STRN3: variants seen among roughly 807,000 people sequenced by gnomAD.
The protein encoded by STRN3 is striatin-3.
A neutral mutation model predicts 95.6 loss-of-function variants in STRN3; 29 were observed. The observed-to-expected ratio is 0.30, with a 90% CI of 0.23 to 0.41. The LOEUF (loss-of-function observed/expected upper bound fraction) is 0.41. Ranked by LOEUF, STRN3 falls within the 10% of genes least tolerant of loss-of-function variation. The probability of loss-of-function intolerance (pLI) is 1.00; values close to 1 mark genes in which losing one functional copy is unlikely to be tolerated. For synonymous variants in STRN3, 331 were observed against 357.6 expected (o/e 0.93, Z 0.84); for missense variants, 890 against 972.1 (o/e 0.92, Z 1.12).
At chr14:30,895,870 T>C (rs568993517) in intron 16 of STRN3, 122 bp from the exon 17 acceptor site, 2 of 784,780 alleles carry the variant, frequency 2.5e-6, no homozygotes, top group Non-Finnish European at 4.0e-6. Context: ...TGTGGTAAAA[T>C]ATACACAACA....
chr14:30,903,837 A>AG (rs1162856013), intron 15 of STRN3, among the ~76,000 whole-genome samples: 1 of 152,220 alleles, frequency 6.6e-6, no homozygotes, highest in African/African-American at 2.4e-5. Flanking sequence ...ATTAGATTGT[A>AG]TATCACTAGT....
chr14:31,000,854 C>T (rs1232661147), intron 1 of STRN3, among the ~76,000 whole-genome samples: 1 of 143,840 alleles, frequency 7.0e-6, no homozygotes, highest in Non-Finnish European at 1.5e-5. Context: ...AAAAAAAAAA[C>T]AATAGGTAGA....
chr14:30,929,990 A>G (rs961756357), intron 7 of STRN3, among the ~76,000 whole-genome samples: 1 of 147,882 alleles, frequency 6.8e-6, no homozygotes, highest in East Asian at 2.0e-4. Context: ...CTCAAATTCC[A>G]CTGAAGAATT....
At chr14:30,986,902 T>C (rs890926982) in intron 1 of STRN3, among the ~76,000 whole-genome samples, 1 of 152,228 alleles carries the variant, frequency 6.6e-6, no homozygotes, top group Non-Finnish European at 1.5e-5. Context: ...TTACTCTTTA[T>C]AGTCTTTCTC....
At chr14:30,988,933 A>G (rs1881818657) in intron 1 of STRN3, among the ~76,000 whole-genome samples, 1 of 152,184 alleles carries the variant, frequency 6.6e-6, no homozygotes, top group African/African-American at 2.4e-5. Flanking sequence ...TTAGGCAACT[A>G]AGCCACCCCC....
intron 3 of STRN3, among the ~76,000 whole-genome samples, chr14:30,953,488 T>C (rs974774323): frequency 1.2e-4 from 18 of 152,228 alleles, no homozygotes; most frequent in African/African-American, 3.9e-4. Context: ...AATGTACTTA[T>C]CCATTTATTC....
At chr14:30,915,060 A>T (rs1896702953) in intron 9 of STRN3, among the ~76,000 whole-genome samples, 1 of 152,222 alleles carries the variant, frequency 6.6e-6, no homozygotes, top group East Asian at 1.9e-4. Flanking sequence ...GAAATACTCA[A>T]ATCATAATAT....
intron 1 of STRN3, among the ~76,000 whole-genome samples, chr14:30,958,801 T>C (rs1467758536): frequency 1.3e-5 from 2 of 152,224 alleles, no homozygotes; most frequent in East Asian, 3.8e-4. Context: ...AGCAGCAGTA[T>C]TTCCTATTAG....
chr14:30,895,630 G>C (rs1340905972), intron 17 of STRN3, 32 bp downstream of exon 17: 1 of 1,611,068 alleles, frequency 6.2e-7, no homozygotes, highest in Non-Finnish European at 8.5e-7. Context: ...CTTTTATAAA[G>C]TTTGTGGGCA....
chr14:30,982,098 CA>C (rs11451891), intron 1 of STRN3, among the ~76,000 whole-genome samples: 171 of 75,514 alleles, frequency 2.3e-3, no homozygotes, highest in African/African-American at 8.2e-3. Context: ...CTCTGTCTCA[CA>C]AAAAAAAAAA....
At chr14:30,971,498 G>A (rs762712112) in intron 1 of STRN3, among the ~76,000 whole-genome samples, 1 of 152,166 alleles carries the variant, frequency 6.6e-6, no homozygotes, top group African/African-American at 2.4e-5. Flanking sequence ...ACAACCAACA[G>A]CGATTTATTA....
intron 4 of STRN3, 136 bp downstream of exon 4, chr14:30,950,727 T>C: frequency 2.7e-6 from 2 of 750,642 alleles, no homozygotes; most frequent in Non-Finnish European, 2.1e-6. Context: ...GATCCAAGCA[T>C]CTACACAGCA....
chr14:30,915,088 A>AT (rs1896703785), intron 9 of STRN3, among the ~76,000 whole-genome samples: 1 of 152,208 alleles, frequency 6.6e-6, no homozygotes. Flanking sequence ...AATATATCAA[A>AT]ACACACTTAA....
At chr14:30,981,633 G>A (rs1166003053) in intron 1 of STRN3, among the ~76,000 whole-genome samples, 1 of 150,380 alleles carries the variant, frequency 6.6e-6, no homozygotes, top group African/African-American at 2.5e-5. Context: ...GCTAAAGCAG[G>A]GCACAAAAAC....
At chr14:30,911,534 C>T (rs1283068776) in intron 12 of STRN3, among the ~76,000 whole-genome samples, 5 of 152,154 alleles carry the variant, frequency 3.3e-5, no homozygotes, top group African/African-American at 9.6e-5. Context: ...AACTCCTGAC[C>T]TCAAGTGATC....
chr14:30,956,032 C>T, intron 2 of STRN3, 107 bp downstream of exon 2: 1 of 844,122 alleles, frequency 1.2e-6, no homozygotes, highest in East Asian at 2.6e-5. Flanking sequence ...TGTATTCGGG[C>T]AAGGATTTGT....
intron 1 of STRN3, among the ~76,000 whole-genome samples, chr14:31,001,337 A>G (rs542902559): frequency 6.6e-6 from 1 of 152,078 alleles, no homozygotes; most frequent in South Asian, 2.1e-4. Flanking sequence ...GGAGTTCAAA[A>G]TCAGCATGGG....
At chr14:31,014,462 C>T (rs1046194594) in intron 1 of STRN3, among the ~76,000 whole-genome samples, 21 of 152,152 alleles carry the variant, frequency 1.4e-4, no homozygotes, top group Non-Finnish European at 2.4e-4. Flanking sequence ...TCTTGTGATC[C>T]ACCTGCCTCA....
rs140397116 is a variant in STRN3, at chr14:31,015,620, G to A, written c.282+10284C>T. Among the ~76,000 whole-genome samples the A allele has an allele frequency of 2.2e-4, 33 of 152,190 alleles. 2 individuals are homozygous for A. The highest frequency in any genetic ancestry group is 3.4e-3 in the Middle Eastern group (1 of 294). On this transcript the variant is annotated intron_variant, in intron 1 of 17. Transcript: ENST00000357479. ...ACTCCTGACCTCAGGTGATCCACCCGCCTTGGCCTCCCAAAGTGCTGGGAT... is the reference window on the plus strand; with the variant it reads ...ACTCCTGACCTCAGGTGATCCACCCACCTTGGCCTCCCAAAGTGCTGGGAT...
Sources: gnomAD v4.1 joint callset for allele counts (sites outside exome capture counted in the v4.1 genomes callset) on GRCh38, gnomAD v4.1.1 for gene constraint, MANE v1.5 for transcripts, NCBI Gene and HGNC (gene_info 2026-07-23, HGNC 2026-07-21) for gene names.